Variants in CEP112 observed in about 807,000 individuals in gnomAD.
CEP112 encodes centrosomal protein 112.
Under a neutral mutation model 153.0 loss-of-function variants are expected in CEP112, and 127 were observed. The ratio of observed to expected loss-of-function variants is 0.83; its 90% CI spans 0.72 to 0.96. The LOEUF is 0.96. Among genes scored for constraint, CEP112 ranks in the 40% least tolerant of loss-of-function variants. The pLI is 0.00. For missense variants in CEP112, 1,089 were observed against 1,101.2 expected (o/e 0.99, Z 0.16); for synonymous variants, 358 against 374.4 (o/e 0.96, Z 0.51).
chr17:65,960,629 T>C (rs1413793684), intron 18 of CEP112, among the ~76,000 whole-genome samples: 1 of 152,184 alleles, frequency 6.6e-6, no homozygotes, highest in Non-Finnish European at 1.5e-5. Flanking sequence ...TAATACAACA[T>C]CTACATGTCA....
chr17:65,842,010 G>A (rs1433359044), intron 21 of CEP112, among the ~76,000 whole-genome samples: 3 of 151,776 alleles, frequency 2.0e-5, no homozygotes. Context: ...TAGCAAATAA[G>A]GTCTTCTACT....
chr17:65,811,491 G>A (rs962283985), intron 21 of CEP112, among the ~76,000 whole-genome samples: 5 of 152,198 alleles, frequency 3.3e-5, no homozygotes, highest in Admixed American at 6.5e-5. Flanking sequence ...TACTGGAATT[G>A]TTAAAGACTC....
At chr17:65,949,907 T>TA (rs1568278969) in intron 18 of CEP112, among the ~76,000 whole-genome samples, 1 of 152,174 alleles carries the variant, frequency 6.6e-6, no homozygotes, top group Non-Finnish European at 1.5e-5. Flanking sequence ...TTTTTTAACT[T>TA]AAAAAAATTA....
At chr17:65,637,866 A>G (rs939452103) in intron 25 of CEP112, among the ~76,000 whole-genome samples, 24 of 152,204 alleles carry the variant, frequency 1.6e-4, no homozygotes, top group African/African-American at 5.5e-4. Context: ...GAGTGAGTGT[A>G]AGGAAAATTA....
Position 65,647,496 on chromosome 17 carries a change from G to A in CEP112, c.2698-6431C>T, listed in dbSNP as rs1381960826. Among the ~76,000 whole-genome samples the A allele has an allele frequency of 1.5e-4, 19 of 125,536 alleles. No homozygotes were observed. The East Asian group carries it at 4.7e-3, about 31-fold the overall frequency. 82.4% of individuals were successfully genotyped at this position (125,536 alleles called of 152,430 possible). A position where few individuals can be genotyped will look rare whatever the true frequency, so the allele number is the denominator to read the frequency against. Reference sequence around the variant, plus strand: ...CCTTTTTTTTTTTTTTTTTTCAAGAGACAGGGTCTTGCTCTGTTATCTAGG... The same window carrying A: ...CCTTTTTTTTTTTTTTTTTTCAAGAAACAGGGTCTTGCTCTGTTATCTAGG... On this transcript the variant is annotated intron_variant, in intron 24 of 26. Coordinates refer to ENST00000535342, the MANE Select transcript of CEP112 (RefSeq NM_001199165.4).
At chr17:65,750,077 A>G (rs1395570422) in intron 22 of CEP112, among the ~76,000 whole-genome samples, 2 of 152,198 alleles carry the variant, frequency 1.3e-5, no homozygotes, top group African/African-American at 4.8e-5. Context: ...TGAGCATCAT[A>G]TTTCAAATAG....
At chr17:65,919,693 C>T (rs978046956) in intron 19 of CEP112, among the ~76,000 whole-genome samples, 3 of 151,998 alleles carry the variant, frequency 2.0e-5, no homozygotes, top group African/African-American at 7.3e-5. Flanking sequence ...AGACAGCCCC[C>T]GGAAGGCACA....
intron 21 of CEP112, among the ~76,000 whole-genome samples, chr17:65,779,227 C>T (rs989703168): frequency 2.0e-5 from 3 of 152,086 alleles, no homozygotes; most frequent in Non-Finnish European, 4.4e-5. Flanking sequence ...TAGTTGAAAA[C>T]ACAAAAGCTA....
At chr17:65,678,497 C>A (rs890129047) in intron 24 of CEP112, among the ~76,000 whole-genome samples, 1 of 151,998 alleles carries the variant, frequency 6.6e-6, no homozygotes, top group African/African-American at 2.4e-5. Flanking sequence ...AAATGAAAGC[C>A]AAAACTGTCT....
intron 12 of CEP112, among the ~76,000 whole-genome samples, chr17:66,036,032 C>T (rs2065725512): frequency 1.3e-5 from 2 of 152,060 alleles, no homozygotes; most frequent in Admixed American, 1.3e-4. Flanking sequence ...TATTATTCAG[C>T]CATTAAAAAG....
rs144635284 is a variant in CEP112 at position 65,729,114 on chromosome 17, G to A, written c.2607+13954C>T. Among the ~76,000 whole-genome samples the A allele has an allele frequency of 1.7e-3, 254 of 151,774 alleles. 1 individual carries two copies. Among genetic ancestry groups the A allele is most frequent in the African/African-American group, 3.3e-3 (135 of 41,396 alleles). ...GACAGATAATAATTGTACATATTCC[G>A]TTTTTCTTTATATCCTTATTCCATA... On this transcript the variant is annotated intron_variant, in intron 23 of 26. Coordinates refer to ENST00000535342, the MANE Select transcript of CEP112 (RefSeq NM_001199165.4).
chr17:66,177,030 C>A lies in CEP112; in HGVS notation c.107-10G>T. 1 of 1,575,586 alleles carries A rather than the reference C, an allele frequency of 6.3e-7. No homozygotes were observed. Among genetic ancestry groups the A allele is most frequent in the South Asian group, 1.2e-5 (1 of 83,788 alleles). ...GCACACCTCTGCCGTTCTATAAATACAGAAGAACTATTAGAAATTTTATTT... is the reference window on the plus strand; with the variant it reads ...GCACACCTCTGCCGTTCTATAAATAAAGAAGAACTATTAGAAATTTTATTT... On this transcript the variant is annotated splice_polypyrimidine_tract_variant and intron_variant, in intron 2 of 26. Coordinates refer to ENST00000535342, the MANE Select transcript of CEP112 (RefSeq NM_001199165.4).
intron 21 of CEP112, among the ~76,000 whole-genome samples, chr17:65,824,183 T>C (rs1334557057): frequency 2.6e-5 from 4 of 152,212 alleles, no homozygotes; most frequent in Non-Finnish European, 5.9e-5. Context: ...AGCTGGAGAA[T>C]GGATAAGTTT....
chr17:65,902,105 C>G, intron 20 of CEP112, 47 bp downstream of exon 20: 1 of 1,442,562 alleles, frequency 6.9e-7, no homozygotes. Context: ...ACGCTGATGA[C>G]TTTTTAAAAA....
intron 23 of CEP112, among the ~76,000 whole-genome samples, chr17:65,694,316 G>A (rs1025321334): frequency 4.6e-5 from 7 of 152,120 alleles, no homozygotes; most frequent in Admixed American, 1.3e-4. Flanking sequence ...GACATATTAC[G>A]GAAATCTAGC....
chr17:65,880,114 A>G (rs1295183137), intron 20 of CEP112, among the ~76,000 whole-genome samples: 1 of 152,182 alleles, frequency 6.6e-6, no homozygotes, highest in African/African-American at 2.4e-5. Flanking sequence ...TTTAAAAAAT[A>G]TGTTGTATAT....
At chr17:66,131,709 T>C (rs1189471443) in intron 5 of CEP112, among the ~76,000 whole-genome samples, 2 of 151,612 alleles carry the variant, frequency 1.3e-5, no homozygotes, top group South Asian at 2.1e-4. Flanking sequence ...CAGGTGCCAC[T>C]GCACTCCAGC....
At chr17:65,867,173 T>G (rs1430751422) in intron 20 of CEP112, among the ~76,000 whole-genome samples, 1 of 152,180 alleles carries the variant, frequency 6.6e-6, no homozygotes, top group Non-Finnish European at 1.5e-5. Flanking sequence ...GTATGCCCAG[T>G]CCAGCTGCAA....
At chr17:66,111,868 A>C (rs229865) in intron 6 of CEP112, among the ~76,000 whole-genome samples, 144,036 of 152,262 alleles carry the variant, frequency 0.95, 68,220 homozygotes, top group East Asian at 0.98. Flanking sequence ...GAGAGAAATT[A>C]ATAAACTTGA....
Sources: allele counts gnomAD v4.1 joint callset (sites outside exome capture counted in the v4.1 genomes callset), GRCh38; gene constraint gnomAD v4.1.1; transcripts MANE v1.5; gene names NCBI Gene and HGNC (gene_info 2026-07-23, HGNC 2026-07-21).